SPAG16: variants seen among roughly 807,000 people sequenced by gnomAD.
SPAG16 encodes sperm associated antigen 16, also known as sperm-associated antigen 16 protein.
SPAG16 carries 86 observed loss-of-function variants against 80.4 expected under a neutral mutation model. The observed-to-expected ratio is 1.07, with a 90% confidence interval of 0.90 to 1.28. The LOEUF (loss-of-function observed/expected upper bound fraction) is 1.28. Ranked by LOEUF, SPAG16 falls within the 50% of genes most tolerant of loss-of-function variation. SPAG16 has a pLI of 0.00. For missense variants in SPAG16, 870 were observed against 765.3 expected (o/e 1.14, Z -1.61); for synonymous variants, 294 against 265.9 (o/e 1.11, Z -1.03).
At chr2:213,648,963 T>C (rs760457597) in intron 10 of SPAG16, among the ~76,000 whole-genome samples, 6 of 152,068 alleles carry the variant, frequency 3.9e-5, no homozygotes, top group Non-Finnish European at 8.8e-5. Flanking sequence ...AAAATATATT[T>C]AGTCTGAAAA....
At chr2:213,343,176 G>A (rs1390435390) in intron 6 of SPAG16, among the ~76,000 whole-genome samples, 1 of 152,240 alleles carries the variant, frequency 6.6e-6, no homozygotes, top group Non-Finnish European at 1.5e-5. Context: ...GATTCCAGAG[G>A]TTGCACAGTG....
chr2:213,340,205 T>A lies in SPAG16; in HGVS notation c.579T>A (p.Asp193Glu), dbSNP rs1263967371. The change falls in exon 6 of 16, where the codon GAT (aspartate) becomes GAA (glutamate). Residue 193 changes from aspartate to glutamate, a missense_variant. Transcript: ENST00000331683. ...TGCTGAAAATTCAGAAAGAACGTGA[T>A]TTTCATCGAATGCATCATAAGCGAA... ...EDLLKIQKER[D>E]FHRMHHKRIV... is the part of the protein sequence containing the mutation. The A allele has an allele frequency of 1.9e-6, 3 of 1,612,768 alleles. No homozygotes were observed. Among genetic ancestry groups the A allele is most frequent in the Non-Finnish European group, 2.5e-6 (3 of 1,179,520 alleles).
chr2:213,600,502 T>C (rs77211787), intron 10 of SPAG16, among the ~76,000 whole-genome samples: 8,820 of 152,256 alleles, frequency 0.058, 838 homozygotes, highest in African/African-American at 0.2. Context: ...CCTAGTATTG[T>C]GGTAGGTGCT....
chr2:214,401,157 A>G lies in SPAG16; in HGVS notation c.1721-8983A>G, dbSNP rs549415910. On this transcript the variant is annotated intron_variant, in intron 15 of 15. Coordinates refer to ENST00000331683, the MANE Select transcript of SPAG16 (RefSeq NM_024532.5). ...AAATTCTGAGTAATGACCCTGGTTG[A>G]GCCATTAATGCAAATCCTCAAAACT... 2.6e-5 allele frequency among the ~76,000 whole-genome samples: 4 copies of G among 152,110 alleles called. No homozygotes were observed. In the South Asian group the frequency reaches 8.3e-4, roughly 32 times the overall value.
At chr2:214,349,507 G>A (rs764259160) in intron 15 of SPAG16, among the ~76,000 whole-genome samples, 1 of 152,164 alleles carries the variant, frequency 6.6e-6, no homozygotes, top group Non-Finnish European at 1.5e-5. Flanking sequence ...CCTGTGCTAT[G>A]TCCAACTTTT....
At chr2:213,934,972 G>A (rs1442870848) in intron 12 of SPAG16, among the ~76,000 whole-genome samples, 1 of 152,094 alleles carries the variant, frequency 6.6e-6, no homozygotes, top group Admixed American at 6.5e-5. Flanking sequence ...GGAGGCTGAG[G>A]CAGGCCGATC....
chr2:213,612,722 C>T (rs180735951), intron 10 of SPAG16, among the ~76,000 whole-genome samples: 121 of 152,214 alleles, frequency 7.9e-4, no homozygotes, highest in Non-Finnish European at 1.3e-3. Context: ...TCTTGTTGCC[C>T]AGGCTGGATG....
chr2:214,344,972 T>G (rs1311751149), intron 15 of SPAG16, among the ~76,000 whole-genome samples: 9 of 152,168 alleles, frequency 5.9e-5, no homozygotes, highest in Non-Finnish European at 8.8e-5. Flanking sequence ...CAGATATATA[T>G]TTATTCATTG....
chr2:213,869,264 A>AATAT (rs1553648742), intron 11 of SPAG16, among the ~76,000 whole-genome samples: 24,709 of 63,404 alleles, frequency 0.39, 4,463 homozygotes, highest in Non-Finnish European at 0.56. Flanking sequence ...AAAAAAAAAA[A>AATAT]ATATATATAT....
chr2:214,206,530 A>C (rs2058149354), intron 15 of SPAG16, among the ~76,000 whole-genome samples: 1 of 152,326 alleles, frequency 6.6e-6, no homozygotes, highest in Admixed American at 6.5e-5. Flanking sequence ...GTTGATGGAC[A>C]CTTAAGCTGA....
chr2:214,295,339 C>G (rs1694058173), intron 15 of SPAG16, among the ~76,000 whole-genome samples: 2 of 152,198 alleles, frequency 1.3e-5, no homozygotes, highest in Admixed American at 6.5e-5. Context: ...TAACAAAACC[C>G]TAAACTTACT....
chr2:214,191,164 T>C (rs1559117719), intron 15 of SPAG16, among the ~76,000 whole-genome samples: 2 of 152,052 alleles, frequency 1.3e-5, no homozygotes, highest in Non-Finnish European at 2.9e-5. Context: ...GATGGACAGA[T>C]AGGACAGAGA....
chr2:214,059,202 A>G (rs1436594083), intron 13 of SPAG16, among the ~76,000 whole-genome samples: 41 of 107,332 alleles, frequency 3.8e-4, no homozygotes, highest in African/African-American at 1.4e-3. Flanking sequence ...ATATATATAT[A>G]TATATATATA....
At chr2:214,132,013 G>A (rs1424444651) in intron 14 of SPAG16, among the ~76,000 whole-genome samples, 1 of 152,170 alleles carries the variant, frequency 6.6e-6, no homozygotes, top group Non-Finnish European at 1.5e-5. Context: ...TATTGCTAGT[G>A]TGAGATGCTA....
At chr2:213,716,646 CT>C (rs1434037207) in intron 10 of SPAG16, among the ~76,000 whole-genome samples, 1 of 152,166 alleles carries the variant, frequency 6.6e-6, no homozygotes, top group African/African-American at 2.4e-5. Flanking sequence ...AACTTAACTT[CT>C]TTTCTTTAAC....
At chr2:213,796,449 C>A (rs921699732) in intron 10 of SPAG16, among the ~76,000 whole-genome samples, 1 of 152,122 alleles carries the variant, frequency 6.6e-6, no homozygotes, top group Non-Finnish European at 1.5e-5. Context: ...AGTTCATTCA[C>A]GTTGTAACAT....
chr2:213,676,696 C>T (rs71426343), intron 10 of SPAG16, among the ~76,000 whole-genome samples: 249 of 151,552 alleles, frequency 1.6e-3, no homozygotes, highest in South Asian at 4.2e-3. Flanking sequence ...TATTGATTTG[C>T]GTATATTGAA....
intron 10 of SPAG16, among the ~76,000 whole-genome samples, chr2:213,772,567 T>TA (rs1358229897): frequency 6.6e-6 from 1 of 152,208 alleles, no homozygotes; most frequent in Non-Finnish European, 1.5e-5. Flanking sequence ...AGTACTACTA[T>TA]ATATATGTGG....
chr2:214,325,899 A>T lies in SPAG16; in HGVS notation c.1721-84241A>T, dbSNP rs112036078. On this transcript the variant is annotated intron_variant, in intron 15 of 15. Transcript: ENST00000331683. ...GTATTTTATGATTTCCAAAGGGTTA[A>T]CCACAATTAAACTGCCCTCCATGAG... is the stretch of plus-strand genomic sequence containing the variant. Among the ~76,000 whole-genome samples the T allele has an allele frequency of 6.0e-4, 91 of 152,270 alleles. 1 individual carries two copies. The Middle Eastern group carries it at 0.01, about 17-fold the overall frequency.
Sources: allele counts gnomAD v4.1 joint callset (sites outside exome capture counted in the v4.1 genomes callset), GRCh38; gene constraint gnomAD v4.1.1; transcripts MANE v1.5; gene names NCBI Gene and HGNC (gene_info 2026-07-23, HGNC 2026-07-21).